Variants in PDE4D observed in about 807,000 individuals in gnomAD.
PDE4D encodes phosphodiesterase 4D.
A neutral mutation model predicts 87.4 loss-of-function variants in PDE4D; 24 were observed. The ratio of observed to expected loss-of-function variants is 0.27; its 90% CI spans 0.20 to 0.39. The LOEUF is 0.39. Among genes scored for constraint, PDE4D ranks in the 10% least tolerant of loss-of-function variants. The pLI is 1.00. For missense variants in PDE4D, 714 were observed against 1,041.0 expected (o/e 0.69, Z 4.32); for synonymous variants, 384 against 383.2 (o/e 1.00, Z -0.02).
intron 1 of PDE4D, among the ~76,000 whole-genome samples, chr5:59,284,282 A>G (rs1419962450): frequency 6.6e-6 from 1 of 152,118 alleles, no homozygotes; most frequent in East Asian, 1.9e-4. Context: ...TTGGTTAACT[A>G]TAAGCCACTA....
In PDE4D at chr5:60,032,612, A is replaced by G. The variant is rs561215545; in HGVS notation, c.43-43895T>C. Among the ~76,000 whole-genome samples the G allele has an allele frequency of 4.6e-5, 7 of 152,356 alleles. No individual in the cohort carries two copies. In the South Asian group the frequency reaches 1.4e-3, roughly 32 times the overall value. The stretch of plus-strand genomic sequence containing the variant: ...AAATCCTACCTTTTCTAGGAAAGTT[A>G]TGAAACATCTCTTAGCTGCTTCCTT... On this transcript the variant is annotated intron_variant, in intron 2 of 16. Transcript: ENST00000502484.
chr5:59,181,957 A>G (rs1741710052), intron 4 of PDE4D, among the ~76,000 whole-genome samples: 1 of 151,880 alleles, frequency 6.6e-6, no homozygotes, highest in Non-Finnish European at 1.5e-5. Flanking sequence ...AGGGTGGGGG[A>G]AAGTTGGGGA....
chr5:59,504,902 ATGTGTGTGTGTGTGTG>A (rs61507201), intron 1 of PDE4D, among the ~76,000 whole-genome samples: 22 of 145,820 alleles, frequency 1.5e-4, no homozygotes, highest in South Asian at 4.5e-4. Context: ...GTAGGGGTAT[ATGTGTGTGTGTGTGTG>A]TGTGTGTGTG....
intron 5 of PDE4D, among the ~76,000 whole-genome samples, chr5:59,045,556 C>CAA (rs36051277): frequency 2.4e-3 from 170 of 70,346 alleles, no homozygotes; most frequent in African/African-American, 3.7e-3. Flanking sequence ...AACTCTGTCT[C>CAA]AAAAAAAAAA....
intron 2 of PDE4D, among the ~76,000 whole-genome samples, chr5:59,999,692 A>G (rs938834466): frequency 2.0e-5 from 3 of 152,036 alleles, no homozygotes; most frequent in African/African-American, 4.8e-5. Flanking sequence ...ACACAAAGAA[A>G]CAGGGAAACA....
At chr5:59,717,968 G>A (rs1215861225) in intron 1 of PDE4D, among the ~76,000 whole-genome samples, 1 of 152,164 alleles carries the variant, frequency 6.6e-6, no homozygotes, top group Non-Finnish European at 1.5e-5. Context: ...TGAATATGCT[G>A]TAAAATTGCA....
intron 1 of PDE4D, among the ~76,000 whole-genome samples, chr5:60,197,755 T>G (rs193294637): frequency 2.6e-5 from 4 of 151,746 alleles, no homozygotes; most frequent in Non-Finnish European, 5.9e-5. Context: ...AGAAACTCAA[T>G]GTTAATTAAA....
At chr5:59,649,811 C>T (rs1377076892) in intron 1 of PDE4D, among the ~76,000 whole-genome samples, 1 of 147,120 alleles carries the variant, frequency 6.8e-6, no homozygotes, top group Non-Finnish European at 1.5e-5. Context: ...GAAAAAGACA[C>T]AGTTCCATTC....
chr5:60,108,678 C>G (rs1562104462), intron 2 of PDE4D, among the ~76,000 whole-genome samples: 2 of 152,032 alleles, frequency 1.3e-5, no homozygotes. Context: ...ATCAATGGAA[C>G]AGAACAGAGC....
intron 1 of PDE4D, chr5:60,460,684 G>A (rs1746858610): frequency 1.0e-6 from 1 of 997,326 alleles, no homozygotes; most frequent in Non-Finnish European, 1.6e-6. Flanking sequence ...CAGAGCAGGA[G>A]GCATTCTTGG....
intron 1 of PDE4D, among the ~76,000 whole-genome samples, chr5:59,762,533 CATGTGT>C (rs1451678184): frequency 6.7e-4 from 24 of 35,984 alleles, no homozygotes; most frequent in South Asian, 1.4e-3. Flanking sequence ...TATGGGTACA[CATGTGT>C]ATATGTGTAT....
intron 5 of PDE4D, among the ~76,000 whole-genome samples, chr5:59,056,662 A>C (rs1290059798): frequency 1.3e-5 from 2 of 150,778 alleles, no homozygotes; most frequent in Non-Finnish European, 3.0e-5. Context: ...ATGTGTTCTC[A>C]TTGTTCAACT....
chr5:60,326,710 G>C (rs990757003), intron 1 of PDE4D, among the ~76,000 whole-genome samples: 4 of 152,076 alleles, frequency 2.6e-5, no homozygotes, highest in African/African-American at 9.7e-5. Flanking sequence ...ACTGACACAG[G>C]TTTAACTGGT....
At position 59,514,298 on chromosome 5, in the gene PDE4D, G is replaced by C. The variant is rs190071416; in HGVS notation, c.456-298330C>G. On this transcript the variant is annotated intron_variant, in intron 1 of 14. Transcript: ENST00000340635. Reference sequence around the variant, plus strand: ...TTTTTCGTATTTTTAGTAGAGACAGGGTTTCACCGTGTTAGCCAGGATGGT... The same window carrying C: ...TTTTTCGTATTTTTAGTAGAGACAGCGTTTCACCGTGTTAGCCAGGATGGT... Among the ~76,000 whole-genome samples the C allele has an allele frequency of 2.6e-5, 4 of 151,996 alleles. No homozygotes were observed. In the East Asian group the frequency reaches 7.8e-4, roughly 30 times the overall value.
intron 1 of PDE4D, among the ~76,000 whole-genome samples, chr5:59,803,525 CTGACCTCAAG>C (rs956602892): frequency 6.6e-6 from 1 of 152,082 alleles, no homozygotes; most frequent in Non-Finnish European, 1.5e-5. Flanking sequence ...TCTCGAATTC[CTGACCTCAAG>C]TGATCCGCCT....
At chr5:60,028,514 T>C (rs1766890621) in intron 2 of PDE4D, among the ~76,000 whole-genome samples, 1 of 152,148 alleles carries the variant, frequency 6.6e-6, no homozygotes, top group Non-Finnish European at 1.5e-5. Flanking sequence ...CCCTCCAACA[T>C]ATCCACCAAT....
chr5:59,068,317 T>C (rs558628308), intron 5 of PDE4D, among the ~76,000 whole-genome samples: 2 of 152,326 alleles, frequency 1.3e-5, no homozygotes, highest in South Asian at 4.1e-4. Context: ...ATTGAGACAC[T>C]AAAACTTTTT....
intron 5 of PDE4D, among the ~76,000 whole-genome samples, chr5:59,044,757 T>C (rs1498607): frequency 0.24 from 35,775 of 152,198 alleles, 5,160 homozygotes; most frequent in Middle Eastern, 0.39. Flanking sequence ...TAAAATTGTA[T>C]AAAATATATA....
At chr5:59,473,882 G>A (rs888792837) in intron 1 of PDE4D, among the ~76,000 whole-genome samples, 2 of 152,020 alleles carry the variant, frequency 1.3e-5, no homozygotes. Context: ...AGTCCAAGTG[G>A]GACAACAGAA....
Sources: gnomAD v4.1 joint callset for allele counts (sites outside exome capture counted in the v4.1 genomes callset) on GRCh38, gnomAD v4.1.1 for gene constraint, MANE v1.5 for transcripts, NCBI Gene and HGNC (gene_info 2026-07-23, HGNC 2026-07-21) for gene names.